Variants in SLFN13 observed in about 807,000 individuals in gnomAD.
SLFN13 encodes schlafen family member 13.
A neutral mutation model predicts 50.6 loss-of-function variants in SLFN13; 43 were observed. The ratio of observed to expected loss-of-function variants is 0.85; its 90% CI spans 0.67 to 1.09. The LOEUF is 1.09. Ranked by LOEUF, SLFN13 falls within the 50% of genes least tolerant of loss-of-function variation. SLFN13 has a pLI of 0.00. For missense variants in SLFN13, 881 were observed against 1,071.1 expected (o/e 0.82, Z 2.48); for synonymous variants, 339 against 386.5 (o/e 0.88, Z 1.44).
chr17:35,443,804 G>A lies in SLFN13; in HGVS notation c.1183C>T (p.Gln395Ter). 4 of 1,611,358 alleles carry A rather than the reference G, an allele frequency of 2.5e-6. No homozygotes were observed. The highest frequency in any genetic ancestry group is 3.4e-6 in the Non-Finnish European group (4 of 1,177,836). The change falls in exon 4 of 6, where the codon CAA (glutamine) becomes TAA (stop). Residue 395 changes from glutamine to a stop codon, truncating the protein, a stop_gained. Coordinates refer to ENST00000285013, the MANE Select transcript of SLFN13 (RefSeq NM_144682.6). LOFTEE classifies it high-confidence loss of function. ...KGLEHKADLQ[Q>*]HLFPVPPGHL... The stretch of plus-strand genomic sequence containing the variant: ...CAGTCAGTACCTGGAAATAAATGTT[G>A]TTGTAGATCAGCTTTGTGTTCCAGA...
upstream of SLFN13, among the ~76,000 whole-genome samples, chr17:35,449,627 G>A (rs1913400838): frequency 1.3e-5 from 2 of 152,212 alleles, no homozygotes; most frequent in Non-Finnish European, 2.9e-5. Context: ...GGCGGCCGGT[G>A]CTCTGTGCTC....
In SLFN13 at chr17:35,435,965, T is replaced by C. The variant is rs1912634596; in HGVS notation, c.*4630A>G. 2 of 152,098 alleles carry C rather than the reference T, an allele frequency of 1.3e-5. No homozygotes were observed. Among genetic ancestry groups the C allele is most frequent in the African/African-American group, 4.8e-5 (2 of 41,432 alleles). The allele number at this position is 152,098 out of a possible 1,614,324, so 9.4% of individuals were successfully genotyped here. On this transcript the variant is annotated 3_prime_UTR_variant, in exon 6 of 6. Transcript: ENST00000285013. ...TTTAACGCCAAAATCAACGTTGAAT[T>C]CCTGACTTGAACCACCTTGGTCGTG...
rs1480722797 is a variant in SLFN13 at position 35,441,010 on chromosome 17, T to C, written c.2279A>G (p.Tyr760Cys). The change falls in exon 6 of 6, where the codon TAT becomes TGT. Residue 760 changes from tyrosine (Y) to cysteine (C), a missense_variant. Around this residue, in one of 5 missense-constraint regions of SLFN13, gnomAD observed 322 missense variants for 327.4 expected, o/e 0.98. Transcript: ENST00000285013. ...TTTAGCTTCACTGAGAATTGCCAGA[T>C]ACCCATGGGGGATATTAATTGGAGG... ...ENPPINIPHG[Y>C]LAILSEAKWV... 1 of 1,612,968 alleles carries C rather than the reference T, an allele frequency of 6.2e-7. No individual in the cohort carries two copies. Among genetic ancestry groups the C allele is most frequent in the Non-Finnish European group, 8.5e-7 (1 of 1,180,014 alleles).
intron 5 of SLFN13, 36 bp from the exon 6 acceptor site, chr17:35,441,402 T>C (rs368533950): frequency 6.4e-7 from 1 of 1,574,538 alleles, no homozygotes; most frequent in African/African-American, 1.4e-5. Context: ...AGGTTTTCTC[T>C]AAGAAAACAA....
At chr17:35,442,657 A>C (rs558645827) in intron 4 of SLFN13, among the ~76,000 whole-genome samples, 2 of 152,114 alleles carry the variant, frequency 1.3e-5, no homozygotes, top group African/African-American at 4.8e-5. Flanking sequence ...GTTGGCCAGG[A>C]TGGTCTCGAT....
rs1279674660 is a variant in SLFN13 at position 35,440,399 on chromosome 17, C to A, written c.*196G>T. On this transcript the variant is annotated 3_prime_UTR_variant, in exon 6 of 6. Transcript: ENST00000285013. ...CAGGGGTCAGAATGGGGGGCAGCCA[C>A]CACTGCTGAAAAGAGTTGGGGGAGG... The A allele has an allele frequency of 1.5e-6, 1 of 653,258 alleles. No homozygotes were observed. The highest frequency in any genetic ancestry group is 2.6e-6 in the Non-Finnish European group (1 of 385,630). The allele number at this position is 653,258 out of a possible 1,614,324, so 40.5% of individuals were successfully genotyped here.
rs1168496067 is a variant in SLFN13, at chr17:35,441,097, A to G, written c.2192T>C (p.Val731Ala). The part of the protein sequence containing the change: ...QYPREELTRV[V>A]RNADEIAEYI... ...CTCGGCTATTTCATCTGCATTGCGA[A>G]CTACTCTGGTGAGCTCTTCTCTTGG... is the stretch of plus-strand genomic sequence containing the variant. Residue 731 changes from valine (V) to alanine (A), a missense_variant, in exon 6 of 6, where the codon GTT (valine) becomes GCT (alanine). By Grantham distance (64) the Val-to-Ala change is moderately conservative. This residue lies in a region of SLFN13 where 322 missense variants were observed against 327.4 expected (regional missense o/e 0.98). Transcript: ENST00000285013. The G allele has an allele frequency of 3.1e-6, 5 of 1,614,080 alleles. No homozygotes were observed. Among genetic ancestry groups the G allele is most frequent in the Admixed American group, 1.7e-5 (1 of 60,028 alleles).
At position 35,436,880 on chromosome 17, in the gene SLFN13, CTT is replaced by C. The variant is rs960972602; in HGVS notation, c.*3713_*3714del. On this transcript the variant is annotated 3_prime_UTR_variant, in exon 6 of 6. Transcript: ENST00000285013. ...CAAATCCTGGACCAGAACTTTTTCT[CTT>C]TTGAGAAAAAAACATAAAGACACTT... The C allele has an allele frequency of 9.9e-5, 15 of 152,192 alleles. 1 individual carries two copies. The highest frequency in any genetic ancestry group is 3.6e-4 in the African/African-American group (15 of 41,538). 9.4% of individuals were successfully genotyped at this position (152,192 alleles called of 1,614,324 possible).
chr17:35,440,347 AACC>A lies in SLFN13; in HGVS notation c.*245_*247del. 1.8e-6 allele frequency: 1 copy of A among 560,522 alleles called. No homozygotes were observed. Among genetic ancestry groups the A allele is most frequent in the Non-Finnish European group, 3.2e-6 (1 of 315,932 alleles). 34.7% of individuals were successfully genotyped at this position (560,522 alleles called of 1,614,324 possible). A position where few individuals can be genotyped will look rare whatever the true frequency, so the allele number is the denominator to read the frequency against. On this transcript the variant is annotated 3_prime_UTR_variant, in exon 6 of 6. Transcript: ENST00000285013. Reference sequence around the variant, plus strand: ...CAGCACAGCTAAAGTTCCTTTAGAAAACCACCATCTTTCTGGCTGCAAGAGTCA... The same window carrying A: ...CAGCACAGCTAAAGTTCCTTTAGAAAACCATCTTTCTGGCTGCAAGAGTCA...
In SLFN13 at chr17:35,440,874, A is replaced by C; in HGVS notation, c.2415T>G (p.Ser805=). ...TCRCFFERGY[S]PKDVAVLVST... Reference sequence around the variant, plus strand: ...TGACAAGCACAGCAACATCCTTTGGAGAATAGCCCCTTTCAAAGAAGCACC... The same window carrying C: ...TGACAAGCACAGCAACATCCTTTGGCGAATAGCCCCTTTCAAAGAAGCACC... The change falls in exon 6 of 6, where the codon TCT becomes TCG. Residue 805 remains serine (S), a synonymous_variant. Coordinates refer to ENST00000285013, the MANE Select transcript of SLFN13 (RefSeq NM_144682.6). The C allele has an allele frequency of 6.2e-7, 1 of 1,614,132 alleles. No individual in the cohort carries two copies. Among genetic ancestry groups the C allele is most frequent in the South Asian group, 1.1e-5 (1 of 91,084 alleles).
rs11337992 is a variant in SLFN13, at chr17:35,438,107, TAAAAAAA to T, written c.*2481_*2487del. 2 of 141,330 alleles carry T rather than the reference TAAAAAAA, an allele frequency of 1.4e-5. No homozygotes were observed. The highest frequency in any genetic ancestry group is 3.1e-5 in the Non-Finnish European group (2 of 65,066). 8.8% of individuals were successfully genotyped at this position (141,330 alleles called of 1,614,324 possible). ...GAAACACAGTGAGACCTTTTCTCTTTAAAAAAAAAAAAAAAAAAAATTTACAGTTAAT... is the reference window on the plus strand; with the variant it reads ...GAAACACAGTGAGACCTTTTCTCTTTAAAAAAAAAAAAATTTACAGTTAAT... On this transcript the variant is annotated 3_prime_UTR_variant, in exon 6 of 6. Coordinates refer to ENST00000285013, the MANE Select transcript of SLFN13 (RefSeq NM_144682.6).
chr17:35,438,192 C>G lies in SLFN13; in HGVS notation c.*2403G>C, dbSNP rs1473519841. On this transcript the variant is annotated 3_prime_UTR_variant, in exon 6 of 6. Transcript: ENST00000285013. ...TTGGCTGTATCATGGAGTTGCTGGCCTCAGTCTTCTCCTTTTCCTCCATTT... is the reference window on the plus strand; with the variant it reads ...TTGGCTGTATCATGGAGTTGCTGGCGTCAGTCTTCTCCTTTTCCTCCATTT... 6.6e-6 allele frequency: 1 copy of G among 151,596 alleles called. No homozygotes were observed. Among genetic ancestry groups the G allele is most frequent in the Admixed American group, 6.6e-5 (1 of 15,238 alleles). The allele number at this position is 151,596 out of a possible 1,614,324, so 9.4% of individuals were successfully genotyped here.
rs1302328929 is a variant in SLFN13 at position 35,438,842 on chromosome 17, T to C, written c.*1753A>G. On this transcript the variant is annotated 3_prime_UTR_variant, in exon 6 of 6. Transcript: ENST00000285013. ...AAATATTTTATTGTTAGTATTTAGA[T>C]TAGTGTTTTAGAATGTTTTGTAGAG... The C allele has an allele frequency of 1.3e-5, 2 of 152,122 alleles. No individual in the cohort carries two copies. The highest frequency in any genetic ancestry group is 2.1e-4 in the South Asian group (1 of 4,826). The allele number at this position is 152,122 out of a possible 1,614,324, so 9.4% of individuals were successfully genotyped here. A position where few individuals can be genotyped will look rare whatever the true frequency, so the allele number is the denominator to read the frequency against.
rs1270912031 is a variant in SLFN13 at position 35,436,303 on chromosome 17, T to A, written c.*4292A>T. 6.6e-6 allele frequency: 1 copy of A among 152,192 alleles called. No individual in the cohort carries two copies. Among genetic ancestry groups the A allele is most frequent in the Middle Eastern group, 3.2e-3 (1 of 316 alleles). 9.4% of individuals were successfully genotyped at this position (152,192 alleles called of 1,614,324 possible). On this transcript the variant is annotated 3_prime_UTR_variant, in exon 6 of 6. Coordinates refer to ENST00000285013, the MANE Select transcript of SLFN13 (RefSeq NM_144682.6). ...TTGATCCACGAGTTAAACACTTTTTTAATTCCAAAAGATATGAACATTTTT... is the reference window on the plus strand; with the variant it reads ...TTGATCCACGAGTTAAACACTTTTTAAATTCCAAAAGATATGAACATTTTT...
rs1024455169 is a variant in SLFN13, at chr17:35,440,549, G to A, written c.*46C>T. On this transcript the variant is annotated 3_prime_UTR_variant, in exon 6 of 6. Transcript: ENST00000285013. ...TACCATCAGCAGACTGTCACCCATA[G>A]ACATTTACACAGTATTTTGGTTTGG... is the stretch of plus-strand genomic sequence containing the variant. 1.3e-6 allele frequency: 2 copies of A among 1,592,124 alleles called. No individual in the cohort carries two copies. Among genetic ancestry groups the A allele is most frequent in the African/African-American group, 2.7e-5 (2 of 74,398 alleles).
In SLFN13 at chr17:35,437,190, GT is replaced by G. The variant is rs1912667197; in HGVS notation, c.*3404del. 6.6e-6 allele frequency: 1 copy of G among 152,034 alleles called. No individual in the cohort carries two copies. The highest frequency in any genetic ancestry group is 1.5e-5 in the Non-Finnish European group (1 of 68,014). The allele number at this position is 152,034 out of a possible 1,614,324, so 9.4% of individuals were successfully genotyped here. On this transcript the variant is annotated 3_prime_UTR_variant, in exon 6 of 6. Coordinates refer to ENST00000285013, the MANE Select transcript of SLFN13 (RefSeq NM_144682.6). Reference sequence around the variant, plus strand: ...AATAACTAATTTTAAACTTTTGATTGTTTTATTATTATTTTGTTAGACATGG... The same window carrying G: ...AATAACTAATTTTAAACTTTTGATTGTTTATTATTATTTTGTTAGACATGG...
chr17:35,443,775 C>T lies in SLFN13; in HGVS notation c.1198+14G>A. On this transcript the variant is annotated intron_variant, in intron 4 of 5. Transcript: ENST00000285013. ...ACTTCCTTCTCTCCTGATGTAAAAA[C>T]TGGCAGTCAGTACCTGGAAATAAAT... 3 of 1,602,394 alleles carry T rather than the reference C, an allele frequency of 1.9e-6. No homozygotes were observed. Among genetic ancestry groups the T allele is most frequent in the Non-Finnish European group, 2.6e-6 (3 of 1,172,048 alleles).
chr17:35,442,014 CG>C lies in SLFN13; in HGVS notation c.1470del (p.Ala491ProfsTer4). The C allele has an allele frequency of 6.2e-7, 1 of 1,614,290 alleles. No individual in the cohort carries two copies. The highest frequency in any genetic ancestry group is 8.5e-7 in the Non-Finnish European group (1 of 1,180,054). The stretch of plus-strand genomic sequence containing the variant: ...ACTAGCTTCTGCTTCAAAGTAAAGG[CG>C]GTGCGAGTGCAGTAGTCCTGGCCCT... ...DAEGQDYCTR[T>X]AFTLKQKLVN... is the part of the protein sequence containing the mutation. On this transcript the variant is annotated frameshift_variant, in exon 5 of 6. Transcript: ENST00000285013. LOFTEE classifies it high-confidence loss of function.
At chr17:35,449,177 G>A (rs1365737938), upstream of SLFN13, among the ~76,000 whole-genome samples, 2 of 151,722 alleles carry the variant, frequency 1.3e-5, no homozygotes, top group Non-Finnish European at 1.5e-5. Flanking sequence ...GAAGTCCAGG[G>A]TAAAGTGAGT....
Sources: gnomAD v4.1 joint callset for allele counts (sites outside exome capture counted in the v4.1 genomes callset) on GRCh38, gnomAD v4.1.1 for gene constraint, gnomAD v4.1.1 regional missense constraint, MANE v1.5 for transcripts, NCBI Gene and HGNC (gene_info 2026-07-23, HGNC 2026-07-21) for gene names.